Variants in LPP observed in about 807,000 individuals in gnomAD.
LPP encodes the protein lipoma-preferred partner.
Under a neutral mutation model 60.4 loss-of-function variants are expected in LPP, and 38 were observed. The observed-to-expected ratio is 0.63, with a 90% CI of 0.49 to 0.83. The LOEUF (loss-of-function observed/expected upper bound fraction) is 0.83, where lower values mean the gene tolerates loss of function less well. Among genes scored for constraint, LPP ranks in the 40% least tolerant of loss-of-function variants. The pLI, the probability that LPP is intolerant of heterozygous loss-of-function variation, is 0.00. For synonymous variants in LPP, 328 were observed against 290.8 expected (o/e 1.13, Z -1.30); for missense variants, 902 against 783.6 (o/e 1.15, Z -1.80).
At chr3:188,592,557 G>GTTTGTTT (rs1260656926) in intron 6 of LPP, among the ~76,000 whole-genome samples, 11 of 85,710 alleles carry the variant, frequency 1.3e-4, no homozygotes, top group African/African-American at 2.3e-4. Flanking sequence ...TTTTGTTTTT[G>GTTTGTTT]TTTTTTAAAT....
chr3:188,583,070 C>T (rs970373175), intron 6 of LPP, among the ~76,000 whole-genome samples: 1 of 152,198 alleles, frequency 6.6e-6, no homozygotes, highest in Non-Finnish European at 1.5e-5. Flanking sequence ...ATGTTATCTC[C>T]TTATTCCTGT....
At chr3:188,580,952 A>G (rs1835938239) in intron 6 of LPP, among the ~76,000 whole-genome samples, 1 of 152,012 alleles carries the variant, frequency 6.6e-6, no homozygotes, top group African/African-American at 2.4e-5. Context: ...AAGACCTTTC[A>G]ACTGATTGAA....
chr3:188,383,260 T>G (rs1447764112), intron 3 of LPP, among the ~76,000 whole-genome samples: 1 of 152,222 alleles, frequency 6.6e-6, no homozygotes, highest in East Asian at 1.9e-4. Context: ...TATGGTACAT[T>G]TGTTCCTAGA....
At chr3:188,691,310 T>C (rs1239633667) in intron 7 of LPP, among the ~76,000 whole-genome samples, 4 of 152,238 alleles carry the variant, frequency 2.6e-5, no homozygotes, top group Admixed American at 2.6e-4. Context: ...TATAGAGTCA[T>C]ACTGGAATCC....
At chr3:188,421,362 C>G (rs13060464) in intron 4 of LPP, among the ~76,000 whole-genome samples, 21,749 of 152,160 alleles carry the variant, frequency 0.14, 1,994 homozygotes, top group Non-Finnish European at 0.19. Flanking sequence ...GAATGGAAAG[C>G]AGCCATCTTT....
intron 6 of LPP, among the ~76,000 whole-genome samples, chr3:188,598,543 A>G (rs1840431358): frequency 6.6e-6 from 1 of 152,154 alleles, no homozygotes; most frequent in South Asian, 2.1e-4. Context: ...ATAACATATA[A>G]TCACATTGCT....
intron 8 of LPP, among the ~76,000 whole-genome samples, chr3:188,714,831 A>T (rs1220219652): frequency 2.0e-5 from 3 of 152,052 alleles, no homozygotes; most frequent in Non-Finnish European, 4.4e-5. Context: ...CTTACCATGG[A>T]CCTGTGTCTT....
At chr3:188,634,825 T>C (rs541583436) in intron 7 of LPP, among the ~76,000 whole-genome samples, 59 of 152,268 alleles carry the variant, frequency 3.9e-4, no homozygotes, top group African/African-American at 1.4e-3. Context: ...TATATTACAA[T>C]GTAATAGTAA....
chr3:188,461,304 C>T (rs1798902522), intron 4 of LPP, among the ~76,000 whole-genome samples: 1 of 152,120 alleles, frequency 6.6e-6, no homozygotes, highest in Admixed American at 6.5e-5. Flanking sequence ...TCTGGCTAGA[C>T]ATCTTACTTC....
chr3:188,435,274 T>C (rs112854326), intron 4 of LPP, among the ~76,000 whole-genome samples: 2 of 152,312 alleles, frequency 1.3e-5, no homozygotes, highest in African/African-American at 4.8e-5. Context: ...ATTGTCTCCT[T>C]TGAGTTCTGT....
At position 188,217,174 on chromosome 3, in the gene LPP, A is replaced by T. The variant is rs888724050; in HGVS notation, c.-189-8231A>T. Among the ~76,000 whole-genome samples the T allele has an allele frequency of 6.6e-6, 1 of 152,148 alleles. No homozygotes were observed. Among genetic ancestry groups the T allele is most frequent in the African/African-American group, 2.4e-5 (1 of 41,436 alleles). Reference sequence around the variant, plus strand: ...ACAAAGGGCATTCTGACTGTGAGTGAGTGGGGAAGGACTCTGGGAGGTTAT... The same window carrying T: ...ACAAAGGGCATTCTGACTGTGAGTGTGTGGGGAAGGACTCTGGGAGGTTAT... On this transcript the variant is annotated intron_variant, in intron 1 of 11. Coordinates refer to ENST00000617246, the MANE Select transcript of LPP (RefSeq NM_001375462.1). This position sits in a 1 kb window ranked among gnomAD's most constrained non-coding sequence, Gnocchi z 4.0.
At chr3:188,515,041 A>G (rs995218128) in intron 5 of LPP, among the ~76,000 whole-genome samples, 1 of 152,236 alleles carries the variant, frequency 6.6e-6, no homozygotes, top group Non-Finnish European at 1.5e-5. Context: ...TGAGGAAAAA[A>G]AATTCAAGCA....
intron 8 of LPP, chr3:188,711,048 A>G (rs1042048011): frequency 1.3e-5 from 2 of 152,234 alleles, no homozygotes; most frequent in Admixed American, 6.5e-5. Context: ...TGCTCAATAC[A>G]ATACTCAAGG....
intron 5 of LPP, among the ~76,000 whole-genome samples, chr3:188,505,129 A>G (rs2149930127): frequency 6.6e-6 from 1 of 152,334 alleles, no homozygotes; most frequent in South Asian, 2.1e-4. Context: ...TCCAGAAAGT[A>G]GACTCCTTTA....
intron 7 of LPP, among the ~76,000 whole-genome samples, chr3:188,662,913 T>C (rs1854913256): frequency 6.6e-6 from 1 of 152,260 alleles, no homozygotes; most frequent in Non-Finnish European, 1.5e-5. Context: ...GAAGAAAAGA[T>C]CAAATTCCCT....
At chr3:188,299,116 G>A (rs1310519364) in intron 2 of LPP, among the ~76,000 whole-genome samples, 1 of 152,190 alleles carries the variant, frequency 6.6e-6, no homozygotes, top group Admixed American at 6.5e-5. Context: ...ACAGACGGGT[G>A]AACTTGCTCA....
At chr3:188,178,014 C>A (rs1304384336) in intron 1 of LPP, among the ~76,000 whole-genome samples, 1 of 152,192 alleles carries the variant, frequency 6.6e-6, no homozygotes, top group Non-Finnish European at 1.5e-5. Context: ...CAAAGGCATA[C>A]TTGGGAGTGT....
chr3:188,660,221 T>C (rs1854272228), intron 7 of LPP, among the ~76,000 whole-genome samples: 1 of 152,166 alleles, frequency 6.6e-6, no homozygotes. Context: ...AATCACAGGA[T>C]TGTGACTCCT....
At chr3:188,756,706 T>G (rs553082007) in intron 8 of LPP, among the ~76,000 whole-genome samples, 1 of 152,318 alleles carries the variant, frequency 6.6e-6, no homozygotes, top group East Asian at 1.9e-4. Flanking sequence ...GTTCTTCACT[T>G]TTTTCTGTAC....
Sources: allele counts gnomAD v4.1 joint callset (sites outside exome capture counted in the v4.1 genomes callset), GRCh38; gene constraint gnomAD v4.1.1; non-coding constraint Gnocchi (gnomAD v3.1); transcripts MANE v1.5; gene names NCBI Gene and HGNC (gene_info 2026-07-23, HGNC 2026-07-21).